The following NCOR2 variants were observed in gnomAD, a reference collection of about 807,000 sequenced individuals.
NCOR2 encodes the protein nuclear receptor corepressor 2.
NCOR2 carries 81 observed loss-of-function variants against 262.9 expected under a neutral mutation model. The ratio of observed to expected loss-of-function variants is 0.31; its 90% confidence interval spans 0.26 to 0.37. NCOR2 has a LOEUF of 0.37. NCOR2 is among the 10% of genes least tolerant of loss of function. The pLI is 1.00. For synonymous variants in NCOR2, 1,659 were observed against 1,559.3 expected (o/e 1.06, Z -1.51); for missense variants, 3,385 against 3,621.4 (o/e 0.93, Z 1.68).
intron 20 of NCOR2, among the ~76,000 whole-genome samples, chr12:124,369,221 G>A (rs895389673): frequency 1.3e-4 from 20 of 152,232 alleles, no homozygotes; most frequent in Admixed American, 1.3e-3. Context: ...AAGGCAGGCA[G>A]GCTCGGGGTT....
exon 21 of NCOR2, chr12:124,363,697 C>T (rs201973229): frequency 1.2e-4 from 169 of 1,395,306 alleles, no homozygotes; most frequent in East Asian, 6.9e-4. Context: ...GGATGGCAGC[C>T]GCTCGCTGCT....
At chr12:124,346,408 G>A (rs1213362143) in intron 31 of NCOR2, among the ~76,000 whole-genome samples, 156 bp downstream of exon 33, 2 of 152,168 alleles carry the variant, frequency 1.3e-5, no homozygotes, top group African/African-American at 4.8e-5. Context: ...CCTGGAACAC[G>A]CACAGCTGAG....
At position 124,335,471 on chromosome 12, in the gene NCOR2, G is replaced by A. The variant is rs1456303578; in HGVS notation, c.6265+12C>T. On this transcript the variant is annotated intron_variant, in intron 39 of 46. Coordinates refer to ENST00000405201, the Ensembl canonical transcript of NCOR2. ...CAGGGCTTCGGGGGCCTGGGTACTG[G>A]GTGGGGCGTACCTGGCTGCTTGGGC... is the stretch of plus-strand genomic sequence containing the variant. The A allele has an allele frequency of 6.2e-7, 1 of 1,601,734 alleles. No individual in the cohort carries two copies. Among genetic ancestry groups the A allele is most frequent in the South Asian group, 1.1e-5 (1 of 90,580 alleles).
At chr12:124,326,870 C>T (rs1004727953) in intron 45 of NCOR2, among the ~76,000 whole-genome samples, 2 of 152,126 alleles carry the variant, frequency 1.3e-5, no homozygotes, top group African/African-American at 4.8e-5. Context: ...CTCCCTGCCC[C>T]GATACAGAGG....
At chr12:124,437,253 C>G (rs2136403300) in intron 8 of NCOR2, among the ~76,000 whole-genome samples, 1 of 152,322 alleles carries the variant, frequency 6.6e-6, no homozygotes, top group African/African-American at 2.4e-5. Context: ...CGCGCTTCTT[C>G]CCCTGACAGC....
In NCOR2 at chr12:124,530,974, C is replaced by A. The variant is rs184441947; in HGVS notation, c.-118+4591G>T. Among the ~76,000 whole-genome samples the A allele has an allele frequency of 5.9e-5, 9 of 152,286 alleles. No individual in the cohort carries two copies. In the East Asian group the frequency reaches 1.5e-3, roughly 26 times the overall value. On this transcript the variant is annotated intron_variant, in intron 1 of 46. Transcript: ENST00000404621. ...CAAGGCTCTGGGCTCAAATAGCTGC[C>A]CCCAGGCCCCGAGGACTCAGGCCGG...
chr12:124,342,872 A>G (rs916751719), intron 33 of NCOR2, 133 bp downstream of exon 35: 5 of 927,158 alleles, frequency 5.4e-6, no homozygotes, highest in Admixed American at 2.8e-5. Flanking sequence ...GGGTCTTCCA[A>G]TCCCGAGGCC....
intron 3 of NCOR2, among the ~76,000 whole-genome samples, chr12:124,479,540 C>G (rs950452483): frequency 6.6e-6 from 1 of 152,102 alleles, no homozygotes; most frequent in African/African-American, 2.4e-5. Context: ...CACACACACC[C>G]GCACCCACAC....
At chr12:124,365,662 G>C (rs1427547799) in intron 20 of NCOR2, among the ~76,000 whole-genome samples, 1 of 152,116 alleles carries the variant, frequency 6.6e-6, no homozygotes, top group East Asian at 1.9e-4. Context: ...GGCCAGACGA[G>C]GAAGGTCACC....
At chr12:124,452,106 C>T (rs370448897) in intron 6 of NCOR2, among the ~76,000 whole-genome samples, 1 of 152,230 alleles carries the variant, frequency 6.6e-6, no homozygotes, top group South Asian at 2.1e-4. Context: ...AGGGCAGTTT[C>T]CCCACCCTGA....
chr12:124,337,578 A>C, intron 37 of NCOR2, among the ~76,000 whole-genome samples: 1 of 152,174 alleles, frequency 6.6e-6, no homozygotes, highest in East Asian at 1.9e-4. Flanking sequence ...CCAGGAGAGA[A>C]CGGCAAGGAA....
exon 28 of NCOR2, chr12:124,350,660 G>A (rs542915010): frequency 1.9e-5 from 31 of 1,613,852 alleles, no homozygotes; most frequent in Middle Eastern, 1.6e-4. Context: ...CCTCCCGGCC[G>A]CGGTCCAAGC....
At chr12:124,359,047 T>C (rs1464254554) in intron 22 of NCOR2, among the ~76,000 whole-genome samples, 1 of 152,216 alleles carries the variant, frequency 6.6e-6, no homozygotes, top group Admixed American at 6.5e-5. Context: ...AGAGAAGCAA[T>C]GATGGGTCCT....
chr12:124,543,037 C>T (rs943735715), intron 1 of NCOR2, among the ~76,000 whole-genome samples: 3 of 3,174 alleles, frequency 9.5e-4, no homozygotes, highest in African/African-American at 4.8e-3. Context: ...CAGCCAAGGG[C>T]GGGTGGGTGG....
chr12:124,438,992 G>C (rs2044607724), intron 7 of NCOR2, among the ~76,000 whole-genome samples: 1 of 128,430 alleles, frequency 7.8e-6, no homozygotes, highest in Non-Finnish European at 1.7e-5. Context: ...GAGAGAGAGA[G>C]ATGGAGACCC....
rs560870233 is a variant in NCOR2, at chr12:124,520,798, T to C, written c.-118+14767A>G. Among the ~76,000 whole-genome samples the C allele has an allele frequency of 4.4e-4, 67 of 152,160 alleles. No homozygotes were observed. In the South Asian group the frequency reaches 4.8e-3, roughly 11 times the overall value. ...TTCGACGGCGACCACCCCTCCATAC[T>C]TCGAAAAAGCATCCCCTGGCCAAAA... On this transcript the variant is annotated intron_variant, in intron 1 of 46. Transcript: ENST00000404621.
At position 124,378,445 on chromosome 12, in the gene NCOR2, C is replaced by T. The variant is rs2040180289; in HGVS notation, c.2020-61G>A. On this transcript the variant is annotated intron_variant, in intron 17 of 46. Transcript: ENST00000405201. The surrounding 1 kb of genome is among the most constrained non-coding windows in gnomAD (Gnocchi z 4.2). The stretch of plus-strand genomic sequence containing the variant: ...CCTGGGCTGTCAGCTCGGGGACTCC[C>T]CATGCCTGGGGCCTCGCCGCAGGTG... 2.0e-6 allele frequency: 3 copies of T among 1,519,182 alleles called. No homozygotes were observed. The highest frequency in any genetic ancestry group is 4.0e-5 in the Admixed American group (2 of 50,378). 94.1% of individuals were successfully genotyped at this position (1,519,182 alleles called of 1,614,324 possible). A position where few individuals can be genotyped will look rare whatever the true frequency, so the allele number is the denominator to read the frequency against.
chr12:124,329,945 C>T (rs953639121), intron 44 of NCOR2, among the ~76,000 whole-genome samples: 3 of 152,178 alleles, frequency 2.0e-5, no homozygotes, highest in Non-Finnish European at 2.9e-5. Context: ...GCAATGCCCC[C>T]GGTGTCTAGT....
chr12:124,475,760 A>G (rs2047071592), intron 3 of NCOR2, among the ~76,000 whole-genome samples: 1 of 152,232 alleles, frequency 6.6e-6, no homozygotes, highest in Non-Finnish European at 1.5e-5. Context: ...GACATGCCCA[A>G]GGCCACTCAG....
Sources: allele counts gnomAD v4.1 joint callset (sites outside exome capture counted in the v4.1 genomes callset), GRCh38; gene constraint gnomAD v4.1.1; non-coding constraint Gnocchi (gnomAD v3.1); transcripts MANE v1.5; gene names NCBI Gene and HGNC (gene_info 2026-07-23, HGNC 2026-07-21).